Variants in PCCB observed in about 807,000 individuals in gnomAD.
PCCB encodes propionyl-CoA carboxylase subunit beta, also known as propionyl-CoA carboxylase beta chain, mitochondrial.
Under a neutral mutation model 60.7 loss-of-function variants are expected in PCCB, and 43 were observed. The observed-to-expected ratio is 0.71, with a 90% CI of 0.55 to 0.91. The LOEUF (loss-of-function observed/expected upper bound fraction) is 0.91. Among genes scored for constraint, PCCB ranks in the 40% least tolerant of loss-of-function variants. PCCB has a pLI of 0.00. For synonymous variants in PCCB, 276 were observed against 255.9 expected, an observed-to-expected ratio of 1.08 and a Z score of -0.75; for missense variants, 766 against 702.8, an observed-to-expected ratio of 1.09 and a Z score of -1.02.
At chr3:136,279,300 AAAG>A (rs745319674) in intron 5 of PCCB, among the ~76,000 whole-genome samples, 1 of 152,206 alleles carries the variant, frequency 6.6e-6, no homozygotes, top group Non-Finnish European at 1.5e-5. Context: ...GATTGCTGAA[AAAG>A]AAGGATTTAC....
At chr3:136,270,132 TTTTG>T (rs1942155052) in intron 5 of PCCB, among the ~76,000 whole-genome samples, 1 of 152,086 alleles carries the variant, frequency 6.6e-6, no homozygotes, top group Admixed American at 6.6e-5. Flanking sequence ...ATCATGTGTT[TTTTG>T]TTCTTTATTC....
chr3:136,277,596 C>A (rs1200669604), intron 5 of PCCB, among the ~76,000 whole-genome samples: 1 of 151,932 alleles, frequency 6.6e-6, no homozygotes, highest in Non-Finnish European at 1.5e-5. Context: ...AGCCGTGGCT[C>A]CTATGAGGGT....
chr3:136,315,911 TTA>T (rs144372137), intron 9 of PCCB, among the ~76,000 whole-genome samples: 1 of 150,700 alleles, frequency 6.6e-6, no homozygotes, highest in African/African-American at 2.4e-5. Context: ...TCTTATGTGT[TTA>T]TATATATATA....
intron 8 of PCCB, among the ~76,000 whole-genome samples, chr3:136,298,966 C>T (rs1476870165): frequency 2.0e-5 from 3 of 152,188 alleles, no homozygotes; most frequent in Admixed American, 1.3e-4. Context: ...TGCCTCTGCC[C>T]ACTCCACAAG....
rs1157115713 is a variant in PCCB, at chr3:136,330,159, C to T, written c.*133C>T. On this transcript the variant is annotated 3_prime_UTR_variant, in exon 15 of 15. Transcript: ENST00000251654. Reference sequence around the variant, plus strand: ...TTAGAATAACTAAGTTTATTAAATTCTAGAAAGATCTCTTTTGTGCCTTAC... The same window carrying T: ...TTAGAATAACTAAGTTTATTAAATTTTAGAAAGATCTCTTTTGTGCCTTAC... The T allele has an allele frequency of 1.8e-5, 28 of 1,521,410 alleles. No homozygotes were observed. Among genetic ancestry groups the T allele is most frequent in the Non-Finnish European group, 2.4e-5 (27 of 1,122,802 alleles). 94.2% of individuals were successfully genotyped at this position (1,521,410 alleles called of 1,614,324 possible).
At chr3:136,263,478 C>T (rs113153831) in intron 5 of PCCB, among the ~76,000 whole-genome samples, 20 of 151,412 alleles carry the variant, frequency 1.3e-4, no homozygotes, top group African/African-American at 3.9e-4. Flanking sequence ...TGCCATGCTG[C>T]GCAGGCTTAT....
intron 10 of PCCB, among the ~76,000 whole-genome samples, chr3:136,322,318 T>A (rs1367231940): frequency 6.6e-6 from 1 of 152,194 alleles, no homozygotes; most frequent in African/African-American, 2.4e-5. Flanking sequence ...TCCCACCTGG[T>A]TTTGATGTGT....
At chr3:136,274,809 G>T (rs182022091) in intron 5 of PCCB, among the ~76,000 whole-genome samples, 96 of 150,422 alleles carry the variant, frequency 6.4e-4, no homozygotes, top group African/African-American at 2.3e-3. Flanking sequence ...TGGAAGCTTT[G>T]TTCATTTCTT....
chr3:136,254,343 C>A (rs897998680), intron 1 of PCCB, among the ~76,000 whole-genome samples: 1 of 151,190 alleles, frequency 6.6e-6, no homozygotes, highest in East Asian at 1.9e-4. Context: ...CTCAGCCTCC[C>A]GAGTAGCTGG....
intron 9 of PCCB, among the ~76,000 whole-genome samples, chr3:136,311,577 C>G (rs889861714): frequency 2.0e-5 from 3 of 152,024 alleles, no homozygotes; most frequent in Non-Finnish European, 4.4e-5. Flanking sequence ...TGGGCTCAAG[C>G]GATCCTTCTG....
intron 7 of PCCB, 119 bp from the exon 8 acceptor site, chr3:136,297,833 C>A: frequency 1.8e-6 from 2 of 1,082,800 alleles, no homozygotes; most frequent in Non-Finnish European, 2.9e-6. Context: ...GTGCAGAGAA[C>A]AGAGCTATCA....
chr3:136,263,204 C>T (rs1400792939), intron 5 of PCCB, among the ~76,000 whole-genome samples: 1 of 150,916 alleles, frequency 6.6e-6, no homozygotes, highest in Admixed American at 6.6e-5. Context: ...CCGCCCACCT[C>T]GGCCTCCTAA....
rs867134617 is a variant in PCCB at position 136,268,120 on chromosome 3, A to G, written c.543+6055A>G. ...TATATATATATATATATATATATAT[A>G]TGTATATATATATATATATATCTAC... is the stretch of plus-strand genomic sequence containing the variant. On this transcript the variant is annotated intron_variant, in intron 5 of 14. Coordinates refer to ENST00000251654, the MANE Select transcript of PCCB (RefSeq NM_000532.5). 5.6e-3 allele frequency among the ~76,000 whole-genome samples: 690 copies of G among 124,024 alleles called. 6 individuals carry two copies. The highest frequency in any genetic ancestry group is 0.014 in the African/African-American group (409 of 29,384). The allele number at this position is 124,024 out of a possible 152,430, so 81.4% of individuals were successfully genotyped here.
chr3:136,304,233 C>T (rs1377499601), intron 9 of PCCB, among the ~76,000 whole-genome samples: 2 of 116,046 alleles, frequency 1.7e-5, no homozygotes, highest in Non-Finnish European at 3.8e-5. Context: ...TGACTCACTG[C>T]AGGCTTGACC....
intron 5 of PCCB, among the ~76,000 whole-genome samples, chr3:136,267,944 CTTTT>C (rs1190834904): frequency 9.7e-6 from 1 of 103,464 alleles, no homozygotes; most frequent in Non-Finnish European, 2.0e-5. Context: ...AGGTTTGGCT[CTTTT>C]TTTTTTTTTT....
At chr3:136,327,098 T>TG (rs1935346295) in intron 11 of PCCB, 57 bp from the exon 12 acceptor site, 2 of 1,493,358 alleles carry the variant, frequency 1.3e-6, no homozygotes, top group African/African-American at 1.4e-5. Context: ...CAGCTGAGAG[T>TG]GGCAGGATAA....
chr3:136,300,836 G>GAT (rs943045256), intron 8 of PCCB, among the ~76,000 whole-genome samples, 194 bp from the exon 9 acceptor site: 77 of 152,294 alleles, frequency 5.1e-4, no homozygotes, highest in Non-Finnish European at 3.2e-4. Flanking sequence ...CTTTTGGATT[G>GAT]ATACTTGTCC....
At chr3:136,317,362 C>A (rs1403606813) in intron 10 of PCCB, among the ~76,000 whole-genome samples, 1 of 151,504 alleles carries the variant, frequency 6.6e-6, no homozygotes, top group African/African-American at 2.4e-5. Context: ...GCTGGGACTA[C>A]AGGCACATAC....
chr3:136,309,785 T>C (rs566147627), intron 9 of PCCB, among the ~76,000 whole-genome samples: 1 of 149,530 alleles, frequency 6.7e-6, no homozygotes, highest in Non-Finnish European at 1.5e-5. Context: ...CTGGGCAACA[T>C]AGTGAGACCC....
Sources: gnomAD v4.1 joint callset for allele counts (sites outside exome capture counted in the v4.1 genomes callset) on GRCh38, gnomAD v4.1.1 for gene constraint, MANE v1.5 for transcripts, NCBI Gene and HGNC (gene_info 2026-07-23, HGNC 2026-07-21) for gene names.